The following SMAP1 variants were observed in gnomAD, a reference collection of about 807,000 sequenced individuals.
SMAP1 encodes the protein stromal membrane-associated protein 1.
Under a neutral mutation model 58.5 loss-of-function variants are expected in SMAP1, and 24 were observed. The ratio of observed to expected loss-of-function variants is 0.41; its 90% CI spans 0.30 to 0.58. The LOEUF (loss-of-function observed/expected upper bound fraction) is 0.58, where lower values mean the gene tolerates loss of function less well. Among genes scored for constraint, SMAP1 ranks in the 20% least tolerant of loss-of-function variants. The pLI, the probability that SMAP1 is intolerant of heterozygous loss-of-function variation, is 0.29. For missense variants in SMAP1, 563 were observed against 566.3 expected (o/e 0.99, Z 0.06); for synonymous variants, 216 against 196.6 (o/e 1.10, Z -0.82).
At chr6:70,825,600 A>G (rs1032888789) in intron 6 of SMAP1, among the ~76,000 whole-genome samples, 3 of 152,176 alleles carry the variant, frequency 2.0e-5, no homozygotes, top group Admixed American at 2.0e-4. Context: ...TGTGCAATCC[A>G]TAGAGTCTTA....
At chr6:70,833,474 T>G (rs956970795) in intron 6 of SMAP1, among the ~76,000 whole-genome samples, 1 of 152,222 alleles carries the variant, frequency 6.6e-6, no homozygotes, top group Non-Finnish European at 1.5e-5. Context: ...TGGGACAACC[T>G]TTCAGATGCC....
chr6:70,856,694 T>A (rs1771438783), intron 8 of SMAP1, 165 bp from the exon 9 acceptor site: 1 of 566,112 alleles, frequency 1.8e-6, no homozygotes. Flanking sequence ...GTAGATGTTT[T>A]TATATGGGCT....
intron 4 of SMAP1, among the ~76,000 whole-genome samples, chr6:70,779,931 A>G (rs886713638): frequency 5.9e-5 from 9 of 152,302 alleles, no homozygotes; most frequent in South Asian, 2.1e-4. Flanking sequence ...TTGCAGACTC[A>G]TATCAAAACC....
At chr6:70,822,627 A>C (rs1342568757) in intron 6 of SMAP1, among the ~76,000 whole-genome samples, 1 of 152,058 alleles carries the variant, frequency 6.6e-6, no homozygotes, top group Non-Finnish European at 1.5e-5. Flanking sequence ...CTTGGGTATA[A>C]TTTTTTGGCC....
chr6:70,730,862 G>A (rs1242607055), intron 1 of SMAP1, among the ~76,000 whole-genome samples: 1 of 152,102 alleles, frequency 6.6e-6, no homozygotes, highest in Non-Finnish European at 1.5e-5. Context: ...TACAGTGGCG[G>A]GATCTCGACT....
intron 1 of SMAP1, among the ~76,000 whole-genome samples, chr6:70,679,594 G>A (rs115686480): frequency 0.014 from 2,159 of 152,216 alleles, 61 homozygotes; most frequent in African/African-American, 0.049. Context: ...CAAATAATTG[G>A]AAGTTGAAAT....
rs9446296 is a variant in SMAP1 at position 70,784,180 on chromosome 6, G to A, written c.415-7509G>A. 6.7e-3 allele frequency among the ~76,000 whole-genome samples: 1,018 copies of A among 152,280 alleles called. 7 individuals are homozygous for A. Among genetic ancestry groups the A allele is most frequent in the African/African-American group, 0.023 (975 of 41,552 alleles). On this transcript the variant is annotated intron_variant, in intron 4 of 10. Transcript: ENST00000370455. ...CTTAAAGAAAAGAATTTTCAAGCCA[G>A]AATTTCATATCCAGCCAAACTAAGC...
intron 1 of SMAP1, among the ~76,000 whole-genome samples, chr6:70,691,460 C>G (rs1767163963): frequency 6.6e-6 from 1 of 152,158 alleles, no homozygotes; most frequent in Non-Finnish European, 1.5e-5. Context: ...ACAAACATTA[C>G]AGTTATACTA....
intron 6 of SMAP1, among the ~76,000 whole-genome samples, chr6:70,825,076 G>A (rs1171567449): frequency 6.6e-6 from 1 of 152,198 alleles, no homozygotes; most frequent in Non-Finnish European, 1.5e-5. Flanking sequence ...TGCTCATGGA[G>A]CATCATGAGC....
At chr6:70,828,253 A>C (rs1254682390) in intron 6 of SMAP1, among the ~76,000 whole-genome samples, 15 of 152,192 alleles carry the variant, frequency 9.9e-5, no homozygotes. Context: ...TGAATTTTTT[A>C]CTGAAAATTT....
chr6:70,715,188 T>A (rs1200136289), intron 1 of SMAP1, among the ~76,000 whole-genome samples: 1 of 144,622 alleles, frequency 6.9e-6, no homozygotes, highest in Admixed American at 7.2e-5. Flanking sequence ...AGCCTTGACC[T>A]CCCTAGGCTC....
chr6:70,680,070 A>G (rs900657277), intron 1 of SMAP1, among the ~76,000 whole-genome samples: 2 of 151,968 alleles, frequency 1.3e-5, no homozygotes, highest in East Asian at 1.9e-4. Context: ...AGAAGTGCCA[A>G]GGTAACTCAA....
intron 6 of SMAP1, among the ~76,000 whole-genome samples, chr6:70,808,544 ATCAG>A (rs1158274932): frequency 1.3e-5 from 2 of 152,212 alleles, no homozygotes; most frequent in East Asian, 3.9e-4. Flanking sequence ...CTCCTGATCC[ATCAG>A]TCACTTAACT....
chr6:70,745,883 C>T (rs1336873503), intron 2 of SMAP1, among the ~76,000 whole-genome samples: 1 of 152,080 alleles, frequency 6.6e-6, no homozygotes, highest in African/African-American at 2.4e-5. Flanking sequence ...ATGAAGAGGT[C>T]CTTCACATCC....
intron 3 of SMAP1, among the ~76,000 whole-genome samples, chr6:70,766,897 T>C (rs998812902): frequency 3.3e-5 from 5 of 152,192 alleles, no homozygotes; most frequent in Non-Finnish European, 7.3e-5. Flanking sequence ...ATTTAAGTCT[T>C]TAATCCATCT....
chr6:70,759,059 G>A (rs1766639059), intron 3 of SMAP1, among the ~76,000 whole-genome samples: 2 of 152,120 alleles, frequency 1.3e-5, no homozygotes, highest in South Asian at 4.2e-4. Flanking sequence ...ATAAAGTGCT[G>A]GGTCAGCTTA....
chr6:70,774,435 T>A (rs1208297267), intron 4 of SMAP1, among the ~76,000 whole-genome samples: 1 of 152,232 alleles, frequency 6.6e-6, no homozygotes, highest in East Asian at 1.9e-4. Context: ...TTAGATACTA[T>A]GGAAATAGAT....
chr6:70,857,880 C>G (rs765080833), intron 9 of SMAP1, 42 bp from the exon 10 acceptor site: 16 of 1,591,752 alleles, frequency 1.0e-5, no homozygotes, highest in Non-Finnish European at 1.4e-5. Context: ...TGCAACTACA[C>G]GTGATAGCTC....
intron 1 of SMAP1, among the ~76,000 whole-genome samples, chr6:70,696,864 G>T (rs1216784389): frequency 6.6e-6 from 1 of 152,058 alleles, no homozygotes; most frequent in African/African-American, 2.4e-5. Flanking sequence ...ATTAACTTGG[G>T]GTATATCTTT....
Sources: gnomAD v4.1 joint callset for allele counts (sites outside exome capture counted in the v4.1 genomes callset) on GRCh38, gnomAD v4.1.1 for gene constraint, MANE v1.5 for transcripts, NCBI Gene and HGNC (gene_info 2026-07-23, HGNC 2026-07-21) for gene names.